ADGRG1: variants seen among roughly 807,000 people sequenced by gnomAD.
ADGRG1 encodes the protein 7-transmembrane protein with no EGF-like N-terminal domains-1.
ADGRG1 carries 53 observed loss-of-function variants against 73.5 expected under a neutral mutation model. The observed-to-expected ratio is 0.72, with a 90% CI of 0.58 to 0.91. The LOEUF (loss-of-function observed/expected upper bound fraction) is 0.91. Among genes scored for constraint, ADGRG1 ranks in the 40% least tolerant of loss-of-function variants. The probability of loss-of-function intolerance (pLI) is 0.00; values close to 1 mark genes in which losing one functional copy is unlikely to be tolerated. For missense variants in ADGRG1, 795 were observed against 871.8 expected, an observed-to-expected ratio of 0.91 and a Z score of 1.11; for synonymous variants, 394 against 374.4, an observed-to-expected ratio of 1.05 and a Z score of -0.60.
At chr16:57,657,564 A>G (rs1285040974) in intron 10 of ADGRG1, 73 bp downstream of exon 10, 20 of 1,140,454 alleles carry the variant, frequency 1.8e-5, no homozygotes, top group Non-Finnish European at 2.5e-5. Flanking sequence ...CGCCGCACAC[A>G]TCTCCGGTCA....
chr16:57,627,043 A>T, upstream of ADGRG1: 2 of 984,032 alleles, frequency 2.0e-6, no homozygotes, highest in Non-Finnish European at 2.4e-6. Context: ...CACAGCCTGG[A>T]CTGGGGACTG....
At chr16:57,632,182 T>TC (rs1298518951) in intron 1 of ADGRG1, 3 of 985,438 alleles carry the variant, frequency 3.0e-6, no homozygotes, top group East Asian at 1.1e-4. Context: ...TGGGCTCTTG[T>TC]CCCTTGGTGG....
intron 1 of ADGRG1, chr16:57,636,741 A>G (rs2039469287): frequency 2.1e-6 from 2 of 973,748 alleles, no homozygotes; most frequent in Non-Finnish European, 2.4e-6. Flanking sequence ...TCCAGCAGTC[A>G]CTGGGGATCT....
chr16:57,660,232 C>T, intron 11 of ADGRG1: 1 of 985,272 alleles, frequency 1.0e-6, no homozygotes. Flanking sequence ...CCGCATGCCC[C>T]TGACTCCAGC....
At chr16:57,638,765 T>C (rs1363776219) in intron 1 of ADGRG1, among the ~76,000 whole-genome samples, 1 of 152,168 alleles carries the variant, frequency 6.6e-6, no homozygotes, top group African/African-American at 2.4e-5. Flanking sequence ...TGGCCTGCAC[T>C]GGGTTCTAAA....
intron 13 of ADGRG1, chr16:57,663,153 G>A (rs907403781): frequency 1.3e-5 from 12 of 911,784 alleles, no homozygotes; most frequent in African/African-American, 1.8e-5. Context: ...TTTGAGCCCT[G>A]GCTCAGCCAC....
chr16:57,637,377 TG>T, intron 1 of ADGRG1: 7 of 985,036 alleles, frequency 7.1e-6, no homozygotes, highest in Non-Finnish European at 8.4e-6. Flanking sequence ...TGGGTGGGGC[TG>T]GGGAAGCTGT....
chr16:57,654,123 C>T lies in ADGRG1; in HGVS notation c.758C>T (p.Ser253Phe). Residue 253 changes from serine (S) to phenylalanine (F), a missense_variant, in exon 5 of 14, where the codon TCC (serine) becomes TTC (phenylalanine). Coordinates refer to ENST00000562631, the MANE Select transcript of ADGRG1 (RefSeq NM_201525.4). ...GGCCTCCAGGACCTGCACATCCACT[C>T]CCGGCAGGAGGTCAGGGGCAGGCCT... ...TAGLQDLHIH[S>F]RQEEEQSEIM... The T allele has an allele frequency of 1.9e-6, 3 of 1,612,852 alleles. No homozygotes were observed. The highest frequency in any genetic ancestry group is 2.5e-6 in the Non-Finnish European group (3 of 1,179,972).
At chr16:57,659,205 A>T in intron 10 of ADGRG1, 1 of 985,050 alleles carries the variant, frequency 1.0e-6, no homozygotes, top group Non-Finnish European at 1.2e-6. Context: ...GTGGTGCCTG[A>T]GTCTGTGGGT....
rs113358058 is a variant in ADGRG1, at chr16:57,661,842, C to T, written c.1810C>T (p.Leu604=). 435 of 1,614,222 alleles carry T rather than the reference C, an allele frequency of 2.7e-4. 1 individual carries two copies. In the African/African-American group the frequency reaches 4.8e-3, roughly 18 times the overall value. The stretch of plus-strand genomic sequence containing the variant: ...CCACACCCAAAAGTGGTCACATGTG[C>T]TGACACTGCTGGGCCTCAGCCTGGT... ...RPHTQKWSHV[L]TLLGLSLVLG... is the part of the protein sequence containing the mutation. Residue 604 remains leucine (L), a synonymous_variant, in exon 13 of 14, where the codon CTG becomes TTG. Transcript: ENST00000562631.
chr16:57,633,538 G>T (rs1286114007), intron 1 of ADGRG1: 44 of 984,670 alleles, frequency 4.5e-5, no homozygotes, highest in Non-Finnish European at 5.2e-5. Context: ...CACGAGGTGG[G>T]CTGTTAGGGG....
chr16:57,657,310 G>T, intron 9 of ADGRG1, 63 bp from the exon 10 acceptor site: 1 of 1,611,350 alleles, frequency 6.2e-7, no homozygotes, highest in Non-Finnish European at 8.5e-7. Flanking sequence ...CCCTCACGCA[G>T]GGCAAGCCTC....
intron 1 of ADGRG1, chr16:57,631,917 T>C: frequency 1.0e-6 from 1 of 963,340 alleles, no homozygotes; most frequent in Non-Finnish European, 1.2e-6. Flanking sequence ...GGTTGGGGAG[T>C]AGGAAGGGAC....
chr16:57,639,859 G>A, intron 1 of ADGRG1: 5 of 966,942 alleles, frequency 5.2e-6, no homozygotes, highest in Middle Eastern at 5.3e-4. Context: ...AGCATTGATG[G>A]TGTAGCCAGT....
chr16:57,628,672 G>C lies in ADGRG1; in HGVS notation c.-166G>C, dbSNP rs956651154. The C allele has an allele frequency of 1.2e-5, 12 of 985,548 alleles. No homozygotes were observed. The highest frequency in any genetic ancestry group is 5.2e-4 in the Middle Eastern group (1 of 1,914). The allele number at this position is 985,548 out of a possible 1,614,324, so 61.1% of individuals were successfully genotyped here. A position where few individuals can be genotyped will look rare whatever the true frequency, so the allele number is the denominator to read the frequency against. On this transcript the variant is annotated 5_prime_UTR_variant, in exon 1 of 14. Coordinates refer to ENST00000562631, the MANE Select transcript of ADGRG1 (RefSeq NM_201525.4). ...TGCCCTGCCGTAGGAGATGGGCTGGGAGCCTCCCACGCTCTCCAGCTCACT... is the reference window on the plus strand; with the variant it reads ...TGCCCTGCCGTAGGAGATGGGCTGGCAGCCTCCCACGCTCTCCAGCTCACT...
At chr16:57,638,541 G>C (rs1410759245) in intron 1 of ADGRG1, among the ~76,000 whole-genome samples, 1 of 152,214 alleles carries the variant, frequency 6.6e-6, no homozygotes, top group Admixed American at 6.5e-5. Flanking sequence ...GGCTAACTCA[G>C]AAGGGGGATT....
chr16:57,658,058 A>T (rs2046184300), intron 10 of ADGRG1, among the ~76,000 whole-genome samples: 1 of 152,184 alleles, frequency 6.6e-6, no homozygotes, highest in Non-Finnish European at 1.5e-5. Context: ...CAACATTTAA[A>T]ATTGAGAGAG....
chr16:57,638,307 C>G (rs184656500), intron 1 of ADGRG1, among the ~76,000 whole-genome samples: 1 of 152,202 alleles, frequency 6.6e-6, no homozygotes, highest in South Asian at 2.1e-4. Flanking sequence ...TCACATCCCC[C>G]GAGTCTCTGT....
chr16:57,653,904 G>A, intron 4 of ADGRG1, 82 bp from the exon 5 acceptor site: 2 of 1,605,388 alleles, frequency 1.2e-6, no homozygotes, highest in Non-Finnish European at 1.7e-6. Flanking sequence ...GTCTCTGTCT[G>A]AGTCTCTCGT....
Sources: gnomAD v4.1 joint callset for allele counts (sites outside exome capture counted in the v4.1 genomes callset) on GRCh38, gnomAD v4.1.1 for gene constraint, MANE v1.5 for transcripts, NCBI Gene and HGNC (gene_info 2026-07-23, HGNC 2026-07-21) for gene names.